Variants in ZNF737 observed in about 807,000 individuals in gnomAD.
The protein encoded by ZNF737 is zinc finger protein 737.
ZNF737 carries 13 observed loss-of-function variants against 11.7 expected under a neutral mutation model. The ratio of observed to expected loss-of-function variants is 1.11; its 90% confidence interval spans 0.73 to 1.77. The LOEUF is 1.77. ZNF737 is among the 40% of genes most tolerant of loss of function. The pLI is 0.00. For missense variants in ZNF737, 636 were observed against 638.0 expected (o/e 1.00, Z 0.03); for synonymous variants, 217 against 216.2 (o/e 1.00, Z -0.03).
intron 1 of ZNF737, among the ~76,000 whole-genome samples, chr19:20,558,147 G>A (rs1335408011): frequency 6.6e-6 from 1 of 151,788 alleles, no homozygotes; most frequent in Non-Finnish European, 1.5e-5. Context: ...AGCTGGGCAT[G>A]GTGGCTGGCA....
rs193004173 is a variant in ZNF737, at chr19:20,547,513, C to A, written c.227-1537G>T. Among the ~76,000 whole-genome samples the A allele has an allele frequency of 2.2e-4, 33 of 151,998 alleles. No homozygotes were observed. In the East Asian group the frequency reaches 5.6e-3, roughly 26 times the overall value. ...TTCTGTATATGATCAGATGATCTTCCACAAAGTTGCCATGCATACAAAATA... is the reference window on the plus strand; with the variant it reads ...TTCTGTATATGATCAGATGATCTTCAACAAAGTTGCCATGCATACAAAATA... On this transcript the variant is annotated intron_variant, in intron 3 of 3. Transcript: ENST00000427401.
chr19:20,547,252 G>C (rs1968486172), intron 3 of ZNF737, among the ~76,000 whole-genome samples: 1 of 151,890 alleles, frequency 6.6e-6, no homozygotes, highest in Non-Finnish European at 1.5e-5. Flanking sequence ...ATGGTAGCAG[G>C]CGCCTGTAGT....
chr19:20,543,155 T>C lies in ZNF737; in HGVS notation c.*1437A>G. ...TTTAATATTTACTGCATCTGCAAAATTATATTTTAGCATAAACTCTCTGTT... is the reference window on the plus strand; with the variant it reads ...TTTAATATTTACTGCATCTGCAAAACTATATTTTAGCATAAACTCTCTGTT... On this transcript the variant is annotated 3_prime_UTR_variant, in exon 4 of 4. Coordinates refer to ENST00000427401, the MANE Select transcript of ZNF737 (RefSeq NM_001159293.2). 1 of 965,778 alleles carries C rather than the reference T, an allele frequency of 1.0e-6. No individual in the cohort carries two copies. The highest frequency in any genetic ancestry group is 1.2e-6 in the Non-Finnish European group (1 of 813,146). 59.8% of individuals were successfully genotyped at this position (965,778 alleles called of 1,614,324 possible).
rs369176993 is a variant in ZNF737 at position 20,542,936 on chromosome 19, C to T, written c.*1656G>A. On this transcript the variant is annotated 3_prime_UTR_variant, in exon 4 of 4. Transcript: ENST00000427401. Reference sequence around the variant, plus strand: ...TTCAAGGAAACAAGTATACTTTCAACGTAATTACAATGCTTCCAAAAATCT... The same window carrying T: ...TTCAAGGAAACAAGTATACTTTCAATGTAATTACAATGCTTCCAAAAATCT... 4.5e-5 allele frequency: 44 copies of T among 985,024 alleles called. No homozygotes were observed. The East Asian group carries it at 9.1e-4, about 20-fold the overall frequency. The allele number at this position is 985,024 out of a possible 1,614,324, so 61.0% of individuals were successfully genotyped here.
At chr19:20,548,985 TATG>T (rs1968568574) in intron 3 of ZNF737, among the ~76,000 whole-genome samples, 2 of 72,768 alleles carry the variant, frequency 2.7e-5, no homozygotes, top group Admixed American at 1.3e-4. Flanking sequence ...AAAAAACAAT[TATG>T]TATCTTTTTG....
Position 20,551,884 on chromosome 19 carries a change from AGT to A in ZNF737, c.226+589_226+590del, listed in dbSNP as rs149975008. Among the ~76,000 whole-genome samples the A allele has an allele frequency of 8.2e-3, 1,247 of 151,790 alleles. 19 individuals carry two copies. The highest frequency in any genetic ancestry group is 0.029 in the African/African-American group (1,189 of 41,496). ...TGCATAAACGTCCTGTCAAAATTGCAGTGTTTTTTTTTTACAGAAATGGAAAA... is the reference window on the plus strand; with the variant it reads ...TGCATAAACGTCCTGTCAAAATTGCAGTTTTTTTTTTACAGAAATGGAAAA... On this transcript the variant is annotated intron_variant, in intron 3 of 3. Transcript: ENST00000427401.
chr19:20,560,337 G>A (rs774544628), intron 1 of ZNF737, among the ~76,000 whole-genome samples: 20 of 151,704 alleles, frequency 1.3e-4, no homozygotes, highest in Admixed American at 6.6e-5. Context: ...CAATAAGGGA[G>A]ACTCTGTCTC....
At chr19:20,554,923 C>A (rs1301769070) in intron 1 of ZNF737, among the ~76,000 whole-genome samples, 3 of 135,336 alleles carry the variant, frequency 2.2e-5, no homozygotes, top group Non-Finnish European at 4.9e-5. Flanking sequence ...AGTGCAATGG[C>A]ATGATCTTGG....
In ZNF737 at chr19:20,543,320, G is replaced by A. The variant is rs1555755542; in HGVS notation, c.*1272C>T. 20 of 985,884 alleles carry A rather than the reference G, an allele frequency of 2.0e-5. No homozygotes were observed. The highest frequency in any genetic ancestry group is 2.2e-5 in the Non-Finnish European group (18 of 829,808). The allele number at this position is 985,884 out of a possible 1,614,324, so 61.1% of individuals were successfully genotyped here. ...AGGATTTTCCTCCAGTACAAAATGTGTGCAATAAGATCTGTGATACTAGTA... is the reference window on the plus strand; with the variant it reads ...AGGATTTTCCTCCAGTACAAAATGTATGCAATAAGATCTGTGATACTAGTA... On this transcript the variant is annotated 3_prime_UTR_variant, in exon 4 of 4. Transcript: ENST00000427401.
rs1282879440 is a variant in ZNF737 at position 20,544,904 on chromosome 19, G to A, written c.1299C>T (p.Ala433=). 3 of 1,612,734 alleles carry A rather than the reference G, an allele frequency of 1.9e-6. No individual in the cohort carries two copies. In the East Asian group the frequency reaches 6.7e-5, roughly 36 times the overall value. ...QPFKCEECGK[A]FKCFSILTTH... ...TAGTAAGGATAGAGAAGCACTTAAA[G>A]GCCTTGCCACATTCTTCACACTTGA... Residue 433 remains alanine, a synonymous_variant, in exon 4 of 4, where the codon GCC becomes GCT. Coordinates refer to ENST00000427401, the MANE Select transcript of ZNF737 (RefSeq NM_001159293.2).
At position 20,539,475 on chromosome 19, in the gene ZNF737, T is replaced by A. The variant is rs1481700421; in HGVS notation, c.*5117A>T. 1.3e-5 allele frequency: 13 copies of A among 985,310 alleles called. No homozygotes were observed. The highest frequency in any genetic ancestry group is 6.1e-5 in the Admixed American group (1 of 16,262). 61.0% of individuals were successfully genotyped at this position (985,310 alleles called of 1,614,324 possible). A position where few individuals can be genotyped will look rare whatever the true frequency, so the allele number is the denominator to read the frequency against. ...CTGGCCATTTCTGTAAGTACGGCAA[T>A]TATGCGAAGCCATTGAAAAAATGTG... On this transcript the variant is annotated 3_prime_UTR_variant, in exon 4 of 4. Transcript: ENST00000427401.
In ZNF737 at chr19:20,565,662, CG is replaced by C. The variant is rs1555763627; in HGVS notation, c.-23del. 9 of 1,614,046 alleles carry C rather than the reference CG, an allele frequency of 5.6e-6. No homozygotes were observed. The highest frequency in any genetic ancestry group is 1.3e-5 in the African/African-American group (1 of 74,910). On this transcript the variant is annotated 5_prime_UTR_variant, in exon 1 of 4. Transcript: ENST00000427401. ...CCATTTCTAGGCTTCCAGGGGCTCC[CG>C]GGCGTCTTAGCTGTGGATCTCCCAA...
At chr19:20,530,861 G>C (rs1334301893), downstream of ZNF737, among the ~76,000 whole-genome samples, 4 of 148,390 alleles carry the variant, frequency 2.7e-5, no homozygotes, top group African/African-American at 7.5e-5. Flanking sequence ...CTGCACTTTG[G>C]GGGGCCAAGG....
intron 2 of ZNF737, 90 bp downstream of exon 2, chr19:20,553,619 T>C (rs1968777165): frequency 7.5e-7 from 1 of 1,332,118 alleles, no homozygotes; most frequent in Admixed American, 2.3e-5. Flanking sequence ...AACTCTTTTA[T>C]AAAAGAATAA....
chr19:20,565,004 A>AAG (rs2082579676), intron 1 of ZNF737, among the ~76,000 whole-genome samples: 2 of 145,840 alleles, frequency 1.4e-5, no homozygotes, highest in Non-Finnish European at 3.0e-5. Flanking sequence ...GCAAGATCTC[A>AAG]GCTCACTGCA....
chr19:20,533,642 G>A (rs1229480130), downstream of ZNF737, among the ~76,000 whole-genome samples: 1 of 150,088 alleles, frequency 6.7e-6, no homozygotes, highest in Non-Finnish European at 1.5e-5. Flanking sequence ...AAACATAAAG[G>A]TTCAGCTTCA....
chr19:20,531,841 GATAA>G (rs1238612217), downstream of ZNF737, among the ~76,000 whole-genome samples: 2 of 150,138 alleles, frequency 1.3e-5, no homozygotes, highest in African/African-American at 2.5e-5. Context: ...TACATAGGGA[GATAA>G]ATACTCACAT....
At chr19:20,536,117 G>A, downstream of ZNF737, 1 of 985,068 alleles carries the variant, frequency 1.0e-6, no homozygotes, top group Non-Finnish European at 1.2e-6. Flanking sequence ...CAGTTTTCTA[G>A]TAGGACAGCC....
rs782796399 is a variant in ZNF737 at position 20,540,564 on chromosome 19, G to T, written c.*4028C>A. Among the ~76,000 whole-genome samples, 6 of 152,146 alleles carry T rather than the reference G, an allele frequency of 3.9e-5. No individual in the cohort carries two copies. Among genetic ancestry groups the T allele is most frequent in the Non-Finnish European group, 5.9e-5 (4 of 68,022 alleles). ...TCATGAGGCCAGGAGTTTGGGACCA[G>T]CCTGGCCAACATGATGAAACCCTGT... is the stretch of plus-strand genomic sequence containing the variant. On this transcript the variant is annotated 3_prime_UTR_variant, in exon 4 of 4. Coordinates refer to ENST00000427401, the MANE Select transcript of ZNF737 (RefSeq NM_001159293.2).
Sources: allele counts gnomAD v4.1 joint callset (sites outside exome capture counted in the v4.1 genomes callset), GRCh38; gene constraint gnomAD v4.1.1; transcripts MANE v1.5; gene names NCBI Gene and HGNC (gene_info 2026-07-23, HGNC 2026-07-21).